The following GLDC variants were observed in gnomAD, a reference collection of about 807,000 sequenced individuals.
GLDC encodes the protein glycine dehydrogenase (decarboxylating), mitochondrial.
In GLDC, 104 loss-of-function variants were observed where a neutral mutation model predicts 121.3. That is an observed-to-expected ratio of 0.86 (90% confidence interval 0.73 to 1.01). The LOEUF (loss-of-function observed/expected upper bound fraction) is 1.01, where lower values mean the gene tolerates loss of function less well. Among genes scored for constraint, GLDC ranks in the 50% least tolerant of loss-of-function variants. GLDC has a pLI of 0.00. For missense variants in GLDC, 1,429 were observed against 1,306.6 expected (o/e 1.09, Z -1.44); for synonymous variants, 546 against 480.6 (o/e 1.14, Z -1.78).
At position 6,605,718 on chromosome 9, in the gene GLDC, C is replaced by T. The variant is rs150692651; in HGVS notation, c.714-440G>A. Among the ~76,000 whole-genome samples, 845 of 152,304 alleles carry T rather than the reference C, an allele frequency of 5.5e-3. 4 individuals are homozygous for T. The highest frequency in any genetic ancestry group is 0.019 in the African/African-American group (801 of 41,564). ...CAATTATATGTCAGAAACCCCCCCT[C>T]TGAAGGGATGGTGGTATGGGTAGGG... On this transcript the variant is annotated intron_variant, in intron 5 of 24. Coordinates refer to ENST00000321612, the MANE Select transcript of GLDC (RefSeq NM_000170.3).
chr9:6,589,451 G>A (rs1364412462), intron 11 of GLDC, among the ~76,000 whole-genome samples, 159 bp from the exon 12 acceptor site: 1 of 151,874 alleles, frequency 6.6e-6, no homozygotes, highest in African/African-American at 2.4e-5. Flanking sequence ...TATTTTTGGA[G>A]GCAGGGTCTT....
rs2129948774 is a variant in GLDC, at chr9:6,620,180, T to C, written c.470+4A>G. ...TCCTGTTCCTGAACTGAGAAATACA[T>C]TACCATCCTGAGTTCTCCAGTAAGT... On this transcript the variant is annotated splice_donor_region_variant and intron_variant, in intron 3 of 24. Coordinates refer to ENST00000321612, the MANE Select transcript of GLDC (RefSeq NM_000170.3). 1.2e-6 allele frequency: 2 copies of C among 1,612,216 alleles called. No homozygotes were observed. Among genetic ancestry groups the C allele is most frequent in the Non-Finnish European group, 8.5e-7 (1 of 1,179,600 alleles).
intron 14 of GLDC, 46 bp downstream of exon 14, chr9:6,588,355 A>T: frequency 7.3e-7 from 1 of 1,374,878 alleles, no homozygotes; most frequent in Middle Eastern, 1.8e-4. Context: ...GGAAGCTAGA[A>T]CACTGCCCCT....
At position 6,633,821 on chromosome 9, in the gene GLDC, C is replaced by CTTTTTT. The variant is rs1156711956; in HGVS notation, c.334+10787_334+10792dup. On this transcript the variant is annotated intron_variant, in intron 2 of 24. Coordinates refer to ENST00000321612, the MANE Select transcript of GLDC (RefSeq NM_000170.3). ...ACTTGGGAGGCTGAGGCAGGAGAAT[C>CTTTTTT]TTTTTTTTTTTTTTTTTTTTTTTTT... Among the ~76,000 whole-genome samples, 96 of 89,460 alleles carry CTTTTTT rather than the reference C, an allele frequency of 1.1e-3. 19 individuals are homozygous for CTTTTTT. Among genetic ancestry groups the CTTTTTT allele is most frequent in the African/African-American group, 4.3e-3 (85 of 19,976 alleles). The allele number at this position is 89,460 out of a possible 152,430, so 58.7% of individuals were successfully genotyped here. A position where few individuals can be genotyped will look rare whatever the true frequency, so the allele number is the denominator to read the frequency against.
intron 3 of GLDC, among the ~76,000 whole-genome samples, chr9:6,616,528 T>C (rs994442561): frequency 5.3e-5 from 8 of 152,192 alleles, no homozygotes; most frequent in Non-Finnish European, 1.0e-4. Flanking sequence ...GAGCCTTGGA[T>C]CTGAGAGATG....
chr9:6,579,113 T>A (rs1276004260), intron 15 of GLDC, among the ~76,000 whole-genome samples: 1 of 152,170 alleles, frequency 6.6e-6, no homozygotes, highest in Non-Finnish European at 1.5e-5. Context: ...TATCTGGGTA[T>A]GTTCTTTCTC....
At chr9:6,588,029 G>A (rs11790612) in intron 14 of GLDC, among the ~76,000 whole-genome samples, 31,496 of 146,028 alleles carry the variant, frequency 0.22, 3,736 homozygotes, top group Admixed American at 0.31. Context: ...ATGATTTCTA[G>A]AAAGACGGCT....
intron 2 of GLDC, among the ~76,000 whole-genome samples, chr9:6,641,501 T>C (rs528633930): frequency 1.3e-4 from 20 of 152,334 alleles, no homozygotes; most frequent in African/African-American, 4.6e-4. Context: ...GAGAGCAAAG[T>C]AGTGGATGGA....
In GLDC at chr9:6,602,131, G is replaced by T. The variant is rs764004792; in HGVS notation, c.1133C>A (p.Thr378Asn). 1 of 1,611,046 alleles carries T rather than the reference G, an allele frequency of 6.2e-7. No individual in the cohort carries two copies. Among genetic ancestry groups the T allele is most frequent in the Admixed American group, 1.7e-5 (1 of 60,024 alleles). ...REQHIRRDKA[T>N]SNICTAQALL... Reference sequence around the variant, plus strand: ...TACCTGAGCTGTACAGATGTTGCTGGTAGCCTTGTCTCTCCGAATGTGTTG... The same window carrying T: ...TACCTGAGCTGTACAGATGTTGCTGTTAGCCTTGTCTCTCCGAATGTGTTG... Residue 378 changes from threonine to asparagine, a missense_variant, in exon 8 of 25, where the codon ACC becomes AAC. Coordinates refer to ENST00000321612, the MANE Select transcript of GLDC (RefSeq NM_000170.3).
chr9:6,640,599 C>T (rs1326387928), intron 2 of GLDC, among the ~76,000 whole-genome samples: 1 of 152,234 alleles, frequency 6.6e-6, no homozygotes, highest in Non-Finnish European at 1.5e-5. Context: ...CTCATCTCCT[C>T]AGTTCTAGTT....
intron 12 of GLDC, 122 bp downstream of exon 12, chr9:6,589,073 G>C: frequency 1.3e-6 from 1 of 760,426 alleles, no homozygotes; most frequent in Non-Finnish European, 2.4e-6. Flanking sequence ...TGAAATACTT[G>C]GGAGCCACGG....
chr9:6,608,564 C>T (rs1487867897), intron 4 of GLDC, among the ~76,000 whole-genome samples: 11 of 148,014 alleles, frequency 7.4e-5, no homozygotes, highest in African/African-American at 2.5e-4. Context: ...CAGGGTGAAA[C>T]CCCATCTCTA....
chr9:6,643,753 G>A (rs1354664582), intron 2 of GLDC, among the ~76,000 whole-genome samples: 1 of 151,856 alleles, frequency 6.6e-6, no homozygotes, highest in Non-Finnish European at 1.5e-5. Context: ...ACCATTCGGG[G>A]TAGGGCACAG....
At chr9:6,576,007 G>A (rs1171805964) in intron 15 of GLDC, among the ~76,000 whole-genome samples, 1 of 152,206 alleles carries the variant, frequency 6.6e-6, no homozygotes, top group Non-Finnish European at 1.5e-5. Flanking sequence ...ATAGGGATAA[G>A]CTTCTTGACA....
chr9:6,542,491 C>G (rs1390841992), intron 21 of GLDC: 1 of 152,224 alleles, frequency 6.6e-6, no homozygotes, highest in Non-Finnish European at 1.5e-5. Flanking sequence ...CCCACCTCAG[C>G]CTCCCAAAGT....
intron 2 of GLDC, chr9:6,639,007 T>C (rs1268680302): frequency 1.9e-5 from 8 of 432,208 alleles, no homozygotes; most frequent in Non-Finnish European, 2.9e-5. Context: ...AGACTCTGTC[T>C]CAGAAAAAAA....
At chr9:6,548,897 TAAAAA>T (rs113657609) in intron 21 of GLDC, among the ~76,000 whole-genome samples, 4,419 of 152,216 alleles carry the variant, frequency 0.029, 115 homozygotes, top group African/African-American at 0.063. Flanking sequence ...TTTTCATAGT[TAAAAA>T]GAAAATATAA....
At chr9:6,617,615 A>G (rs1448468475) in intron 3 of GLDC, among the ~76,000 whole-genome samples, 1 of 152,300 alleles carries the variant, frequency 6.6e-6, no homozygotes, top group East Asian at 1.9e-4. Flanking sequence ...TAGTTCTTTG[A>G]TTTTCCTGTC....
In GLDC at chr9:6,639,325, C is replaced by T. The variant is rs7848031; in HGVS notation, c.334+5289G>A. On this transcript the variant is annotated intron_variant, in intron 2 of 24. Transcript: ENST00000321612. ...ACTCCAGAGACAGCCCAAATATCCT[C>T]GGAAGAGCGCCCCCAGGAGAAACAA... The T allele has an allele frequency of 8.6e-3, 7,994 of 932,324 alleles. 56 individuals carry two copies. Among genetic ancestry groups the T allele is most frequent in the Non-Finnish European group, 0.01 (5,938 of 570,646 alleles). The allele number at this position is 932,324 out of a possible 1,614,324, so 57.8% of individuals were successfully genotyped here. A position where few individuals can be genotyped will look rare whatever the true frequency, so the allele number is the denominator to read the frequency against.
Sources: allele counts gnomAD v4.1 joint callset (sites outside exome capture counted in the v4.1 genomes callset), GRCh38; gene constraint gnomAD v4.1.1; transcripts MANE v1.5; gene names NCBI Gene and HGNC (gene_info 2026-07-23, HGNC 2026-07-21).